SPATA9: variants seen among roughly 807,000 people sequenced by gnomAD.
SPATA9 encodes spermatogenesis-associated protein 9.
In SPATA9, 27 loss-of-function variants were observed where a neutral mutation model predicts 25.5. That is an observed-to-expected ratio of 1.06 (90% CI 0.78 to 1.46). The LOEUF is 1.46. SPATA9 is among the 40% of genes most tolerant of loss of function. The probability of loss-of-function intolerance (pLI) is 0.00; values close to 1 mark genes in which losing one functional copy is unlikely to be tolerated. For missense variants in SPATA9, 282 were observed against 297.5 expected, an observed-to-expected ratio of 0.95 and a Z score of 0.38; for synonymous variants, 102 against 105.7, an observed-to-expected ratio of 0.97 and a Z score of 0.21.
chr5:95,722,880 A>G, the SPATA9 span, among the ~76,000 whole-genome samples: 1 of 152,256 alleles, frequency 6.6e-6, no homozygotes, highest in Non-Finnish European at 1.5e-5. Context: ...TTCGAAAAAT[A>G]CTAGTAGAAA....
chr5:95,654,367 G>A, downstream of SPATA9: 2 of 1,581,690 alleles, frequency 1.3e-6, no homozygotes, highest in Non-Finnish European at 1.7e-6. Context: ...GAGATATAGA[G>A]GTATGTAAAA....
At chr5:95,660,120 C>T (rs900054995) in intron 4 of SPATA9, among the ~76,000 whole-genome samples, 3 of 152,112 alleles carry the variant, frequency 2.0e-5, no homozygotes, top group Non-Finnish European at 2.9e-5. Context: ...ATTTATTTCT[C>T]ACAGTTCTGG....
intron 2 of SPATA9, among the ~76,000 whole-genome samples, 173 bp from the exon 3 acceptor site, chr5:95,675,812 C>T (rs2112646827): frequency 7.2e-6 from 1 of 138,050 alleles, no homozygotes; most frequent in East Asian, 2.3e-4. Context: ...CTGCCATGTA[C>T]TTAAACCTTT....
chr5:95,685,163 A>T (rs1580351876), upstream of SPATA9, among the ~76,000 whole-genome samples: 1 of 152,242 alleles, frequency 6.6e-6, no homozygotes, highest in Non-Finnish European at 1.5e-5. Context: ...TACTTGATGA[A>T]CATTAAATAC....
At chr5:95,730,848 T>C in the SPATA9 span, 2 of 453,658 alleles carry the variant, frequency 4.4e-6, no homozygotes, top group Non-Finnish European at 8.9e-6. Flanking sequence ...AGTATGATTT[T>C]AGAAAACAGC....
At chr5:95,686,654 G>A (rs1257439123), upstream of SPATA9, among the ~76,000 whole-genome samples, 1 of 152,166 alleles carries the variant, frequency 6.6e-6, no homozygotes, top group Non-Finnish European at 1.5e-5. Context: ...GAGAACTGAT[G>A]GGGCAACCTG....
upstream of SPATA9, among the ~76,000 whole-genome samples, chr5:95,683,316 A>G (rs1331963988): frequency 6.6e-6 from 1 of 152,192 alleles, no homozygotes; most frequent in East Asian, 1.9e-4. Context: ...ACTTCTGAAT[A>G]GATTGTTTTT....
the SPATA9 span, among the ~76,000 whole-genome samples, chr5:95,729,227 G>A: frequency 1.3e-5 from 2 of 152,122 alleles, no homozygotes; most frequent in Non-Finnish European, 2.9e-5. Context: ...ATTCTTCGCT[G>A]GAGGTCCAAG....
At chr5:95,730,363 A>G in the SPATA9 span, among the ~76,000 whole-genome samples, 1 of 152,238 alleles carries the variant, frequency 6.6e-6, no homozygotes, top group South Asian at 2.1e-4. Context: ...TTAGAATTTT[A>G]ATACTGTATG....
downstream of SPATA9, among the ~76,000 whole-genome samples, chr5:95,654,558 A>G (rs997760579): frequency 6.6e-6 from 1 of 152,200 alleles, no homozygotes; most frequent in Admixed American, 6.5e-5. Context: ...CTATGGCCAT[A>G]ATTGCACGGA....
intron 1 of SPATA9, among the ~76,000 whole-genome samples, chr5:95,692,945 T>C (rs999026927): frequency 1.3e-5 from 2 of 152,256 alleles, no homozygotes; most frequent in African/African-American, 4.8e-5. Flanking sequence ...ATTGAATTTA[T>C]TGACTGTATT....
chr5:95,696,038 G>A (rs1305109085), intron 1 of SPATA9, among the ~76,000 whole-genome samples: 1 of 152,188 alleles, frequency 6.6e-6, no homozygotes, highest in African/African-American at 2.4e-5. Flanking sequence ...CAACAGCAAT[G>A]AAGACCTGGG....
the SPATA9 span, among the ~76,000 whole-genome samples, chr5:95,714,263 A>C: frequency 2.0e-5 from 3 of 152,140 alleles, no homozygotes; most frequent in Non-Finnish European, 2.9e-5. Context: ...ATAATTTGAA[A>C]TCTGAGAGTC....
chr5:95,700,728 C>T (rs1167864211), upstream of SPATA9, among the ~76,000 whole-genome samples: 1 of 152,140 alleles, frequency 6.6e-6, no homozygotes, highest in Non-Finnish European at 1.5e-5. Flanking sequence ...TGCCCGGCCC[C>T]AATAACTACA....
chr5:95,657,107 A>C (rs1357996712), downstream of SPATA9: 1 of 152,154 alleles, frequency 6.6e-6, no homozygotes, highest in African/African-American at 2.4e-5. Flanking sequence ...TTGAATGCCT[A>C]TATGAAATTT....
At chr5:95,679,727 C>T (rs1439060477) in intron 2 of SPATA9, among the ~76,000 whole-genome samples, 4 of 152,308 alleles carry the variant, frequency 2.6e-5, no homozygotes, top group African/African-American at 9.6e-5. Context: ...ATGTCCACTT[C>T]CCCCAGGGCT....
downstream of SPATA9, chr5:95,653,344 A>G: frequency 7.9e-7 from 1 of 1,273,712 alleles, no homozygotes; most frequent in South Asian, 1.6e-5. Flanking sequence ...GAGGCTGAAG[A>G]CTATTCAGAC....
the SPATA9 span, among the ~76,000 whole-genome samples, chr5:95,707,166 A>G: frequency 4.6e-5 from 7 of 152,256 alleles, no homozygotes; most frequent in African/African-American, 1.4e-4. Flanking sequence ...GACAGAAATC[A>G]GAAGAATTTA....
At chr5:95,726,105 A>C in the SPATA9 span, among the ~76,000 whole-genome samples, 5 of 152,386 alleles carry the variant, frequency 3.3e-5, no homozygotes, top group East Asian at 7.7e-4. Flanking sequence ...CTGTGCTTTC[A>C]GTTTAACCTT....
Sources: gnomAD v4.1 joint callset for allele counts (sites outside exome capture counted in the v4.1 genomes callset) on GRCh38, gnomAD v4.1.1 for gene constraint, MANE v1.5 for transcripts, NCBI Gene and HGNC (gene_info 2026-07-23, HGNC 2026-07-21) for gene names.